Variants in GULP1 observed in about 807,000 individuals in gnomAD.
The protein encoded by GULP1 is GULP PTB domain containing engulfment adaptor 1.
GULP1 carries 19 observed loss-of-function variants against 40.9 expected under a neutral mutation model. That is an observed-to-expected ratio of 0.46 (90% confidence interval 0.32 to 0.68). The LOEUF (loss-of-function observed/expected upper bound fraction) is 0.68, where lower values mean the gene tolerates loss of function less well. Among genes scored for constraint, GULP1 ranks in the 30% least tolerant of loss-of-function variants. The probability of loss-of-function intolerance (pLI) is 0.03; values close to 1 mark genes in which losing one functional copy is unlikely to be tolerated. For missense variants in GULP1, 312 were observed against 362.2 expected (o/e 0.86, Z 1.12); for synonymous variants, 119 against 117.6 (o/e 1.01, Z -0.08).
chr2:188,407,009 G>A (rs2053208470), intron 2 of GULP1, among the ~76,000 whole-genome samples: 1 of 152,074 alleles, frequency 6.6e-6, no homozygotes, highest in Admixed American at 6.5e-5. Context: ...CAACAAGAGA[G>A]AAGAAACATA....
chr2:188,361,745 A>G (rs2046118841), intron 1 of GULP1, among the ~76,000 whole-genome samples: 1 of 152,114 alleles, frequency 6.6e-6, no homozygotes, highest in South Asian at 2.1e-4. Flanking sequence ...GACCTGGTTT[A>G]GAAAGCAGCT....
At chr2:188,353,355 A>G (rs2044772689) in intron 1 of GULP1, among the ~76,000 whole-genome samples, 1 of 152,184 alleles carries the variant, frequency 6.6e-6, no homozygotes, top group South Asian at 2.1e-4. Context: ...ACGACTGAAC[A>G]AAATGAGACA....
At chr2:188,294,172 T>G (rs1458973388) in intron 1 of GULP1, 1 of 152,236 alleles carries the variant, frequency 6.6e-6, no homozygotes, top group African/African-American at 2.4e-5. Context: ...TTCAATTCCT[T>G]GACTTCGGCC....
chr2:188,409,690 A>G (rs919876167), intron 2 of GULP1, among the ~76,000 whole-genome samples: 2 of 152,192 alleles, frequency 1.3e-5, no homozygotes, highest in Non-Finnish European at 2.9e-5. Context: ...CCTGATGTAC[A>G]TGGATGTAAA....
At chr2:188,558,277 C>T (rs1289288267) in intron 7 of GULP1, among the ~76,000 whole-genome samples, 3 of 152,142 alleles carry the variant, frequency 2.0e-5, no homozygotes, top group Non-Finnish European at 4.4e-5. Flanking sequence ...GGGGCAGTTT[C>T]CCCCATACTA....
intron 1 of GULP1, among the ~76,000 whole-genome samples, chr2:188,379,552 C>T (rs2048742065): frequency 6.6e-6 from 1 of 151,912 alleles, no homozygotes; most frequent in African/African-American, 2.4e-5. Flanking sequence ...TTGTCTCATC[C>T]CCTCCCTTTC....
At chr2:188,524,482 A>C (rs1359408809) in intron 5 of GULP1, among the ~76,000 whole-genome samples, 2 of 152,192 alleles carry the variant, frequency 1.3e-5, no homozygotes, top group African/African-American at 2.4e-5. Context: ...GTATTTAATA[A>C]GCAATTTTAC....
At chr2:188,323,607 GC>G (rs752192128) in intron 1 of GULP1, among the ~76,000 whole-genome samples, 5 of 151,644 alleles carry the variant, frequency 3.3e-5, no homozygotes, top group Admixed American at 1.3e-4. Context: ...GTTTGTGAGT[GC>G]AAATTGAATG....
intron 3 of GULP1, among the ~76,000 whole-genome samples, chr2:188,482,573 CAATCTGTTTCATGT>C (rs1347113304): frequency 6.6e-6 from 1 of 151,634 alleles, no homozygotes; most frequent in Non-Finnish European, 1.5e-5. Flanking sequence ...CAAAAAAAGC[CAATCTGTTTCATGT>C]AAATGTTAAC....
chr2:188,336,135 C>T (rs2042222390), intron 1 of GULP1, among the ~76,000 whole-genome samples: 2 of 152,176 alleles, frequency 1.3e-5, no homozygotes, highest in African/African-American at 4.8e-5. Flanking sequence ...CAGACTTGGA[C>T]TTAGAAATGT....
intron 1 of GULP1, among the ~76,000 whole-genome samples, chr2:188,369,373 A>G (rs2047296351): frequency 6.7e-6 from 1 of 149,704 alleles, no homozygotes; most frequent in Non-Finnish European, 1.5e-5. Context: ...AGATTATGAT[A>G]GATTCTTTTG....
rs187783627 is a variant in GULP1 at position 188,356,349 on chromosome 2, A to G, written c.-171-27414A>G. Among the ~76,000 whole-genome samples, 1,101 of 152,272 alleles carry G rather than the reference A, an allele frequency of 7.2e-3. 7 individuals are homozygous for G. The highest frequency in any genetic ancestry group is 0.012 in the Non-Finnish European group (783 of 67,976). On this transcript the variant is annotated intron_variant, in intron 1 of 11. Coordinates refer to ENST00000409830, the MANE Select transcript of GULP1 (RefSeq NM_016315.4). ...AACAAATTCAGCAAAGTTACAGCAT[A>G]TGAAATCAGCACTCAAAAAATCAGT...
At chr2:188,548,743 A>C (rs1405823745) in intron 7 of GULP1, among the ~76,000 whole-genome samples, 1 of 151,856 alleles carries the variant, frequency 6.6e-6, no homozygotes, top group Admixed American at 6.6e-5. Context: ...GGTCAATGGA[A>C]GAGTGAACAT....
At position 188,353,428 on chromosome 2, in the gene GULP1, A is replaced by G. The variant is rs181160796; in HGVS notation, c.-171-30335A>G. 6.6e-4 allele frequency among the ~76,000 whole-genome samples: 100 copies of G among 151,782 alleles called. 1 individual carries two copies. The highest frequency in any genetic ancestry group is 2.3e-3 in the African/African-American group (96 of 41,402). ...AAGAATGTCTTGGTGGAGCCACTCT[A>G]CTCCATTTTCCCTGAGAAATCATTG... On this transcript the variant is annotated intron_variant, in intron 1 of 11. Coordinates refer to ENST00000409830, the MANE Select transcript of GULP1 (RefSeq NM_016315.4).
chr2:188,305,019 G>C (rs2036810853), intron 1 of GULP1, among the ~76,000 whole-genome samples: 1 of 151,990 alleles, frequency 6.6e-6, no homozygotes, highest in Non-Finnish European at 1.5e-5. Flanking sequence ...CATTCCCCAA[G>C]ACTGCCCCTC....
intron 1 of GULP1, among the ~76,000 whole-genome samples, chr2:188,309,691 A>T: frequency 6.6e-6 from 1 of 152,190 alleles, no homozygotes; most frequent in Non-Finnish European, 1.5e-5. Context: ...AAAAATTTTA[A>T]GTCCAACTGT....
At position 188,498,799 on chromosome 2, in the gene GULP1, C is replaced by G. The variant is rs543002228; in HGVS notation, c.90+15307C>G. ...GATATGCAAATTACCCTGATCTGAT[C>G]ACTATATTCAAAGCATCACTATGTA... On this transcript the variant is annotated intron_variant, in intron 4 of 11. Transcript: ENST00000409830. Among the ~76,000 whole-genome samples the G allele has an allele frequency of 4.6e-5, 7 of 151,730 alleles. No individual in the cohort carries two copies. The South Asian group carries it at 8.3e-4, about 18-fold the overall frequency.
At chr2:188,527,503 C>T (rs1380158038) in intron 5 of GULP1, among the ~76,000 whole-genome samples, 1 of 151,986 alleles carries the variant, frequency 6.6e-6, no homozygotes, top group Non-Finnish European at 1.5e-5. Context: ...AAAATTAATT[C>T]ATATTATTTG....
At chr2:188,517,775 TAGTATCCTGGGAGCCAGGCTG>T (rs752926598) in intron 4 of GULP1, among the ~76,000 whole-genome samples, 1 of 152,010 alleles carries the variant, frequency 6.6e-6, no homozygotes, top group Non-Finnish European at 1.5e-5. Flanking sequence ...GATTAGCAGC[TAGTATCCTGGGAGCCAGGCTG>T]AGAAAAGAGT....
Sources: allele counts gnomAD v4.1 joint callset (sites outside exome capture counted in the v4.1 genomes callset), GRCh38; gene constraint gnomAD v4.1.1; transcripts MANE v1.5; gene names NCBI Gene and HGNC (gene_info 2026-07-23, HGNC 2026-07-21).